LYPLA1: variants seen among roughly 807,000 people sequenced by gnomAD.
LYPLA1 encodes acyl-protein thioesterase 1.
Under a neutral mutation model 34.0 loss-of-function variants are expected in LYPLA1, and 17 were observed. The ratio of observed to expected loss-of-function variants is 0.50; its 90% CI spans 0.34 to 0.75. The LOEUF is 0.75. Ranked by LOEUF, LYPLA1 falls within the 30% of genes least tolerant of loss-of-function variation. The pLI is 0.01. For synonymous variants in LYPLA1, 98 were observed against 100.8 expected, an observed-to-expected ratio of 0.97 and a Z score of 0.17; for missense variants, 203 against 288.8, an observed-to-expected ratio of 0.70 and a Z score of 2.15.
At chr8:54,087,985 C>G (rs1392585402) in intron 2 of LYPLA1, among the ~76,000 whole-genome samples, 1 of 152,106 alleles carries the variant, frequency 6.6e-6, no homozygotes, top group Non-Finnish European at 1.5e-5. Flanking sequence ...TGTTATTTGT[C>G]CCGACTGGCT....
chr8:54,099,977 C>T (rs1225713447), intron 2 of LYPLA1, among the ~76,000 whole-genome samples: 3 of 152,100 alleles, frequency 2.0e-5, no homozygotes, highest in Non-Finnish European at 4.4e-5. Context: ...AGCCACCGCG[C>T]CCGGCCCCAA....
intron 6 of LYPLA1, among the ~76,000 whole-genome samples, chr8:54,053,926 T>G (rs929646623): frequency 6.6e-6 from 1 of 152,204 alleles, no homozygotes; most frequent in African/African-American, 2.4e-5. Flanking sequence ...CTATATACTG[T>G]AATGAATGAA....
chr8:54,097,590 TATA>T (rs1274989798), intron 2 of LYPLA1, among the ~76,000 whole-genome samples: 1 of 152,220 alleles, frequency 6.6e-6, no homozygotes, highest in African/African-American at 2.4e-5. Context: ...TCTGTGATTA[TATA>T]ATGTTTAAAA....
chr8:54,088,938 G>A (rs759980110), intron 2 of LYPLA1, among the ~76,000 whole-genome samples: 1 of 152,150 alleles, frequency 6.6e-6, no homozygotes, highest in Non-Finnish European at 1.5e-5. Context: ...AGATGAGCCT[G>A]AAAAACATTA....
intron 2 of LYPLA1, among the ~76,000 whole-genome samples, chr8:54,090,087 C>T (rs777287515): frequency 2.4e-4 from 36 of 152,178 alleles, no homozygotes; most frequent in Admixed American, 9.2e-4. Context: ...GATTCCTATC[C>T]CAGAAAAGCA....
Position 54,101,850 on chromosome 8 carries a change from G to C in LYPLA1, c.-27C>G, listed in dbSNP as rs750537709. ...CACCGCCTCAGCTCACAGCGCAAGC[G>C]GAAGGAAGAGCGGGCGCCCGGCCGC... On this transcript the variant is annotated 5_prime_UTR_variant, in exon 1 of 9. Transcript: ENST00000316963. 30 of 1,235,666 alleles carry C rather than the reference G, an allele frequency of 2.4e-5. No homozygotes were observed. The highest frequency in any genetic ancestry group is 2.9e-5 in the Non-Finnish European group (28 of 977,646). 76.5% of individuals were successfully genotyped at this position (1,235,666 alleles called of 1,614,324 possible).
chr8:54,081,724 G>T (rs562140690), intron 2 of LYPLA1, among the ~76,000 whole-genome samples: 94 of 138,614 alleles, frequency 6.8e-4, no homozygotes, highest in African/African-American at 2.3e-3. Context: ...CTTTCTTTTC[G>T]TTTTTTTTTT....
intron 2 of LYPLA1, among the ~76,000 whole-genome samples, chr8:54,095,439 A>G (rs1809609637): frequency 6.6e-6 from 1 of 152,212 alleles, no homozygotes; most frequent in South Asian, 2.1e-4. Flanking sequence ...TATGGTGGGG[A>G]TCAGGAATAT....
chr8:54,093,748 T>G (rs1281095722), intron 2 of LYPLA1, among the ~76,000 whole-genome samples: 2 of 152,236 alleles, frequency 1.3e-5, no homozygotes, highest in East Asian at 1.9e-4. Flanking sequence ...TATACTATTC[T>G]AGCACTGGGA....
rs1254721960 is a variant in LYPLA1, at chr8:54,059,465, C to T, written c.286+2789G>A. ...GACTACAGGCGCCCGCCACCGCGCC[C>T]GGCTAATTTTTTGTATTTTTAGTAG... On this transcript the variant is annotated intron_variant, in intron 5 of 8. Coordinates refer to ENST00000316963, the MANE Select transcript of LYPLA1 (RefSeq NM_006330.4). Among the ~76,000 whole-genome samples the T allele has an allele frequency of 2.5e-5, 3 of 118,508 alleles. 1 individual carries two copies. Among genetic ancestry groups the T allele is most frequent in the Non-Finnish European group, 4.6e-5 (3 of 64,538 alleles). The allele number at this position is 118,508 out of a possible 152,430, so 77.7% of individuals were successfully genotyped here. A position where few individuals can be genotyped will look rare whatever the true frequency, so the allele number is the denominator to read the frequency against.
At position 54,062,249 on chromosome 8, in the gene LYPLA1, C is replaced by G. The variant is rs1806696746; in HGVS notation, c.286+5G>C. Reference sequence around the variant, plus strand: ...TTTGGCTTTATAAACATTTTCTGTACTTACTATTTTCTGCTGCCTGTTTAA... The same window carrying G: ...TTTGGCTTTATAAACATTTTCTGTAGTTACTATTTTCTGCTGCCTGTTTAA... On this transcript the variant is annotated splice_donor_5th_base_variant and intron_variant, in intron 5 of 8. Coordinates refer to ENST00000316963, the MANE Select transcript of LYPLA1 (RefSeq NM_006330.4). The G allele has an allele frequency of 6.3e-7, 1 of 1,584,040 alleles. No individual in the cohort carries two copies.
intron 2 of LYPLA1, among the ~76,000 whole-genome samples, chr8:54,074,338 A>C (rs1484465460): frequency 1.3e-5 from 2 of 152,194 alleles, no homozygotes; most frequent in Non-Finnish European, 2.9e-5. Flanking sequence ...GTTTACATTT[A>C]CAATTCCTGC....
At chr8:54,095,619 G>T (rs1809624303) in intron 2 of LYPLA1, among the ~76,000 whole-genome samples, 1 of 152,056 alleles carries the variant, frequency 6.6e-6, no homozygotes, top group African/African-American at 2.4e-5. Flanking sequence ...ATCATCATGA[G>T]GTCTGCCTAA....
chr8:54,096,568 C>A (rs1047902885), intron 2 of LYPLA1, among the ~76,000 whole-genome samples: 1 of 151,976 alleles, frequency 6.6e-6, no homozygotes, highest in Non-Finnish European at 1.5e-5. Flanking sequence ...GAAACCCCCC[C>A]GTCTCTACTA....
At position 54,101,752 on chromosome 8, in the gene LYPLA1, C is replaced by A. The variant is rs202065605; in HGVS notation, c.69+3G>T. On this transcript the variant is annotated splice_donor_region_variant and intron_variant, in intron 1 of 8. Coordinates refer to ENST00000316963, the MANE Select transcript of LYPLA1 (RefSeq NM_006330.4). ...CCTCCGAGCCCACGCCTACGCCACT[C>A]ACCGCAGCGGTGGCCTTCCGGGCGG... 3.8e-5 allele frequency: 49 copies of A among 1,305,218 alleles called. 1 individual carries two copies. The East Asian group carries it at 1.4e-3, about 39-fold the overall frequency. 80.9% of individuals were successfully genotyped at this position (1,305,218 alleles called of 1,614,324 possible). A position where few individuals can be genotyped will look rare whatever the true frequency, so the allele number is the denominator to read the frequency against.
intron 2 of LYPLA1, among the ~76,000 whole-genome samples, chr8:54,095,357 G>C (rs1459958124): frequency 6.6e-6 from 1 of 152,094 alleles, no homozygotes; most frequent in East Asian, 1.9e-4. Context: ...AATATCATAA[G>C]ATATTCGGCA....
At chr8:54,068,912 A>AT (rs1348287033) in intron 2 of LYPLA1, among the ~76,000 whole-genome samples, 1 of 152,248 alleles carries the variant, frequency 6.6e-6, no homozygotes, top group East Asian at 1.9e-4. Context: ...ATGTTTGCAA[A>AT]TCACATCTAA....
intron 2 of LYPLA1, among the ~76,000 whole-genome samples, chr8:54,082,637 T>C (rs1185040149): frequency 2.6e-5 from 4 of 152,228 alleles, no homozygotes; most frequent in African/African-American, 4.8e-5. Context: ...CTTTTTCCAC[T>C]TAAATTGCTG....
At chr8:54,096,659 C>T (rs1433282397) in intron 2 of LYPLA1, among the ~76,000 whole-genome samples, 3 of 151,834 alleles carry the variant, frequency 2.0e-5, no homozygotes, top group Non-Finnish European at 2.9e-5. Context: ...AGGAGACTCA[C>T]TTGAACTCAG....
Sources: gnomAD v4.1 joint callset for allele counts (sites outside exome capture counted in the v4.1 genomes callset) on GRCh38, gnomAD v4.1.1 for gene constraint, MANE v1.5 for transcripts, NCBI Gene and HGNC (gene_info 2026-07-23, HGNC 2026-07-21) for gene names.